The following DMRT1 variants were observed in gnomAD, a reference collection of about 807,000 sequenced individuals.
The protein encoded by DMRT1 is doublesex and mab-3 related transcription factor 1.
In DMRT1, 7 loss-of-function variants were observed where a neutral mutation model predicts 32.3. That is an observed-to-expected ratio of 0.22 (90% CI 0.12 to 0.41). DMRT1 has a LOEUF of 0.41. Among genes scored for constraint, DMRT1 ranks in the 10% least tolerant of loss-of-function variants. DMRT1 has a pLI of 1.00. For synonymous variants in DMRT1, 278 were observed against 206.1 expected (o/e 1.35, Z -2.99); for missense variants, 625 against 500.5 (o/e 1.25, Z -2.37).
intron 4 of DMRT1, among the ~76,000 whole-genome samples, chr9:959,144 T>C (rs1290548207): frequency 2.0e-5 from 3 of 152,268 alleles, no homozygotes; most frequent in African/African-American, 7.2e-5. Context: ...ATGATAAGTC[T>C]ATTTCAGAGA....
intron 3 of DMRT1, among the ~76,000 whole-genome samples, chr9:911,234 C>T (rs963317763): frequency 6.6e-6 from 1 of 152,076 alleles, no homozygotes; most frequent in South Asian, 2.1e-4. Flanking sequence ...CTCCCTGCCC[C>T]CTTGTCACAA....
intron 2 of DMRT1, 89 bp downstream of exon 2, chr9:847,232 A>C (rs1339581022): frequency 7.3e-7 from 1 of 1,366,156 alleles, no homozygotes; most frequent in Non-Finnish European, 1.0e-6. Context: ...CCCCTGAGCT[A>C]CATACAGTGT....
At chr9:842,298 G>C (rs974317911) in intron 1 of DMRT1, 106 bp downstream of exon 1, 5 of 1,401,380 alleles carry the variant, frequency 3.6e-6, no homozygotes, top group African/African-American at 3.1e-5. Flanking sequence ...GTAGTGGCGC[G>C]ATCTTGGCTC....
chr9:845,922 C>G (rs760904835), intron 1 of DMRT1, among the ~76,000 whole-genome samples: 7 of 152,146 alleles, frequency 4.6e-5, no homozygotes, highest in Non-Finnish European at 1.0e-4. Context: ...AGACATTTCT[C>G]TCTCTGACTT....
intron 4 of DMRT1, among the ~76,000 whole-genome samples, chr9:954,085 A>G (rs1419495104): frequency 6.6e-6 from 1 of 152,118 alleles, no homozygotes; most frequent in African/African-American, 2.4e-5. Context: ...CTCAGCATCA[A>G]AGGCAGGGGA....
chr9:963,853 A>C (rs1819851112), intron 4 of DMRT1, among the ~76,000 whole-genome samples: 1 of 152,238 alleles, frequency 6.6e-6, no homozygotes, highest in Admixed American at 6.5e-5. Flanking sequence ...TTGTTTAAGA[A>C]ATTTTCATCA....
intron 4 of DMRT1, among the ~76,000 whole-genome samples, chr9:929,567 G>C (rs942539474): frequency 6.6e-6 from 1 of 151,722 alleles, no homozygotes; most frequent in Non-Finnish European, 1.5e-5. Context: ...TGATACATAG[G>C]TCCAGAAAGG....
At chr9:923,411 C>A (rs11792831) in intron 4 of DMRT1, among the ~76,000 whole-genome samples, 6 of 152,046 alleles carry the variant, frequency 3.9e-5, no homozygotes. Context: ...AAATGCTTCC[C>A]TGAGAGCCTC....
chr9:845,363 A>G (rs1386048496), intron 1 of DMRT1, among the ~76,000 whole-genome samples: 2 of 151,596 alleles, frequency 1.3e-5, no homozygotes, highest in Admixed American at 6.6e-5. Flanking sequence ...GCACACCACC[A>G]TGCCTGGCTA....
At chr9:889,182 A>G (rs945773102) in intron 2 of DMRT1, among the ~76,000 whole-genome samples, 2 of 152,250 alleles carry the variant, frequency 1.3e-5, no homozygotes, top group East Asian at 3.9e-4. Flanking sequence ...CAACCTTTCC[A>G]TGTACTAGCA....
chr9:942,844 AT>A (rs991314006), intron 4 of DMRT1, among the ~76,000 whole-genome samples: 15 of 149,370 alleles, frequency 1.0e-4, no homozygotes, highest in Admixed American at 4.0e-4. Flanking sequence ...ATTTATTTCT[AT>A]TTTTTTTTCA....
At chr9:903,878 G>C (rs1050426134) in intron 3 of DMRT1, among the ~76,000 whole-genome samples, 1 of 152,112 alleles carries the variant, frequency 6.6e-6, no homozygotes, top group African/African-American at 2.4e-5. Flanking sequence ...TAGCATCCCA[G>C]GAAGCCAGAT....
At chr9:920,054 C>T (rs1818305778) in intron 4 of DMRT1, among the ~76,000 whole-genome samples, 1 of 152,036 alleles carries the variant, frequency 6.6e-6, no homozygotes, top group Admixed American at 6.6e-5. Context: ...GTGTGCATTA[C>T]GAGTTTAACT....
rs1157312979 is a variant in DMRT1, at chr9:882,304, TC to T, written c.539-11606del. Among the ~76,000 whole-genome samples the T allele has an allele frequency of 2.0e-5, 3 of 152,302 alleles. No homozygotes were observed. In the South Asian group the frequency reaches 6.2e-4, roughly 32 times the overall value. On this transcript the variant is annotated intron_variant, in intron 2 of 4. Coordinates refer to ENST00000382276, the MANE Select transcript of DMRT1 (RefSeq NM_021951.3). Reference sequence around the variant, plus strand: ...CACTGTGCCAGGAGCACCCCCATTCTCCTCCTGCAGTGGACCCTGTGCTCTA... The same window carrying T: ...CACTGTGCCAGGAGCACCCCCATTCTCTCCTGCAGTGGACCCTGTGCTCTA...
intron 2 of DMRT1, among the ~76,000 whole-genome samples, chr9:886,663 C>G (rs1306763276): frequency 6.6e-6 from 1 of 151,848 alleles, no homozygotes; most frequent in Non-Finnish European, 1.5e-5. Flanking sequence ...TTTTTGAAAA[C>G]TTTATGTATA....
intron 4 of DMRT1, among the ~76,000 whole-genome samples, chr9:953,764 G>C (rs1819507331): frequency 6.6e-6 from 1 of 152,194 alleles, no homozygotes; most frequent in Non-Finnish European, 1.5e-5. Flanking sequence ...GATTGGTCTA[G>C]GAAACAGATT....
intron 4 of DMRT1, among the ~76,000 whole-genome samples, chr9:944,420 C>G (rs1819176029): frequency 6.6e-6 from 1 of 152,150 alleles, no homozygotes; most frequent in Non-Finnish European, 1.5e-5. Context: ...TCAATAAACA[C>G]ATATACAATT....
intron 2 of DMRT1, among the ~76,000 whole-genome samples, chr9:861,875 G>A (rs1212059352): frequency 2.0e-5 from 3 of 151,222 alleles, no homozygotes; most frequent in Non-Finnish European, 4.4e-5. Context: ...GGTCGCGGCC[G>A]GGCAGAGGCA....
intron 2 of DMRT1, among the ~76,000 whole-genome samples, chr9:854,327 C>G (rs1419235093): frequency 6.6e-6 from 1 of 152,006 alleles, no homozygotes; most frequent in Admixed American, 6.6e-5. Flanking sequence ...CACTCTTGCC[C>G]AGGTTGGAGT....
Sources: gnomAD v4.1 joint callset for allele counts (sites outside exome capture counted in the v4.1 genomes callset) on GRCh38, gnomAD v4.1.1 for gene constraint, MANE v1.5 for transcripts, NCBI Gene and HGNC (gene_info 2026-07-23, HGNC 2026-07-21) for gene names.